EFHC1: variants seen among roughly 807,000 people sequenced by gnomAD.
EFHC1 encodes the protein EF-hand domain-containing protein 1.
A neutral mutation model predicts 69.9 loss-of-function variants in EFHC1; 53 were observed. The observed-to-expected ratio is 0.76, with a 90% confidence interval of 0.61 to 0.95. The LOEUF (loss-of-function observed/expected upper bound fraction) is 0.95. Among genes scored for constraint, EFHC1 ranks in the 40% least tolerant of loss-of-function variants. The pLI is 0.00. For missense variants in EFHC1, 739 were observed against 798.7 expected (o/e 0.93, Z 0.90); for synonymous variants, 256 against 278.4 (o/e 0.92, Z 0.80).
rs750166280 is a variant in EFHC1 at position 52,479,811 on chromosome 6, T to G, written c.1640+24T>G. 5 of 1,613,358 alleles carry G rather than the reference T, an allele frequency of 3.1e-6. No homozygotes were observed. The South Asian group carries it at 5.5e-5, about 18-fold the overall frequency. ...AGGTGTGTGTTTGATTGCTAGGGTT[T>G]GGCACACTCAAGATATTCAGGAAGT... On this transcript the variant is annotated intron_variant, in intron 9 of 10. Coordinates refer to ENST00000371068, the MANE Select transcript of EFHC1 (RefSeq NM_018100.4).
intron 3 of EFHC1, among the ~76,000 whole-genome samples, chr6:52,451,801 T>C (rs1265029606): frequency 6.6e-6 from 1 of 152,262 alleles, no homozygotes; most frequent in Non-Finnish European, 1.5e-5. Context: ...GGTTTGTCTT[T>C]CCTATTTTGC....
chr6:52,488,707 A>G (rs1299983068), intron 9 of EFHC1: 1 of 152,162 alleles, frequency 6.6e-6, no homozygotes, highest in African/African-American at 2.4e-5. Flanking sequence ...TTTTTTGAAT[A>G]TCTTTTCAGA....
rs1275817081 is a variant in EFHC1 at position 52,465,105 on chromosome 6, C to T, written c.1127C>T (p.Pro376Leu). ...RIDVSKREPP[P>L]VKQELPPYNG... is the part of the protein sequence containing the mutation. ...GATGTGAGCAAGCGGGAACCACCTCCAGTAAAACAGGTAATCAGATAGTAC... is the reference window on the plus strand; with the variant it reads ...GATGTGAGCAAGCGGGAACCACCTCTAGTAAAACAGGTAATCAGATAGTAC... The change falls in exon 6 of 11, where the codon CCA becomes CTA. Residue 376 changes from proline (P) to leucine (L), a missense_variant. Coordinates refer to ENST00000371068, the MANE Select transcript of EFHC1 (RefSeq NM_018100.4). 2 of 1,613,318 alleles carry T rather than the reference C, an allele frequency of 1.2e-6. No individual in the cohort carries two copies. Among genetic ancestry groups the T allele is most frequent in the Non-Finnish European group, 1.7e-6 (2 of 1,179,978 alleles).
chr6:52,491,329 GGGT>G (rs1048224522), intron 10 of EFHC1, among the ~76,000 whole-genome samples: 5 of 152,304 alleles, frequency 3.3e-5, no homozygotes, highest in African/African-American at 1.2e-4. Context: ...AGGGAAGTGG[GGGT>G]GGGACAGATT....
At chr6:52,426,164 CT>C (rs553327995) in intron 2 of EFHC1, among the ~76,000 whole-genome samples, 1 of 152,174 alleles carries the variant, frequency 6.6e-6, no homozygotes, top group Non-Finnish European at 1.5e-5. Flanking sequence ...AGCAAGATAA[CT>C]TTGTTTCTCA....
intron 7 of EFHC1, among the ~76,000 whole-genome samples, chr6:52,473,833 G>T (rs181046928): frequency 6.6e-5 from 10 of 152,112 alleles, no homozygotes; most frequent in Admixed American, 4.6e-4. Context: ...TTAAGATAAA[G>T]AATTTCTGTT....
rs534797617 is a variant in EFHC1 at position 52,479,212 on chromosome 6, A to C, written c.1454A>C (p.Tyr485Ser). ...TCTACAGTGGACAACCCTGTCTACTATGGCCCCAGTGACTTCTTCATTGGT... is the reference window on the plus strand; with the variant it reads ...TCTACAGTGGACAACCCTGTCTACTCTGGCCCCAGTGACTTCTTCATTGGT... ...PYSTVDNPVY[Y>S]GPSDFFIGAV... is the part of the protein sequence containing the mutation. The change falls in exon 8 of 11, where the codon TAT becomes TCT. Residue 485 changes from tyrosine (Y) to serine (S), a missense_variant. Coordinates refer to ENST00000371068, the MANE Select transcript of EFHC1 (RefSeq NM_018100.4). 4 of 1,614,000 alleles carry C rather than the reference A, an allele frequency of 2.5e-6. No individual in the cohort carries two copies. The highest frequency in any genetic ancestry group is 1.6e-4 in the Middle Eastern group (1 of 6,070).
rs1439607920 is a variant in EFHC1, at chr6:52,493,874, C to G, written c.*1533C>G. The G allele has an allele frequency of 1.1e-5, 5 of 453,982 alleles. No individual in the cohort carries two copies. Among genetic ancestry groups the G allele is most frequent in the Non-Finnish European group, 2.2e-5 (5 of 226,796 alleles). The allele number at this position is 453,982 out of a possible 1,614,324, so 28.1% of individuals were successfully genotyped here. A position where few individuals can be genotyped will look rare whatever the true frequency, so the allele number is the denominator to read the frequency against. On this transcript the variant is annotated 3_prime_UTR_variant, in exon 11 of 11. Coordinates refer to ENST00000371068, the MANE Select transcript of EFHC1 (RefSeq NM_018100.4). ...TGTGGTATGAATGAGGATAGAGTTA[C>G]ACAGAATTCAGACTGCTTTGCCCTC... is the stretch of plus-strand genomic sequence containing the variant.
At chr6:52,434,721 G>T (rs1764492783) in intron 2 of EFHC1, among the ~76,000 whole-genome samples, 1 of 152,016 alleles carries the variant, frequency 6.6e-6, no homozygotes, top group Non-Finnish European at 1.5e-5. Flanking sequence ...ATGATTCCAG[G>T]GAAACTTTCC....
chr6:52,462,428 A>C (rs996506710), intron 5 of EFHC1, among the ~76,000 whole-genome samples: 2 of 151,732 alleles, frequency 1.3e-5, no homozygotes, highest in Non-Finnish European at 3.0e-5. Context: ...AAAAGAAGGA[A>C]ATCATAAAAT....
intron 7 of EFHC1, among the ~76,000 whole-genome samples, chr6:52,475,008 G>GT (rs111411625): frequency 0.19 from 27,050 of 141,116 alleles, 2,938 homozygotes; most frequent in African/African-American, 0.32. Context: ...GTTGTTTTGG[G>GT]TTTTTTTTTT....
chr6:52,480,739 C>T (rs751913716), intron 9 of EFHC1, among the ~76,000 whole-genome samples: 4 of 151,978 alleles, frequency 2.6e-5, no homozygotes, highest in East Asian at 1.9e-4. Context: ...GAGGAAATAG[C>T]GCATGCAAAG....
chr6:52,479,799 A>T lies in EFHC1; in HGVS notation c.1640+12A>T. ...CCAGAAGCAGAAAGGTGTGTGTTTG[A>T]TTGCTAGGGTTTGGCACACTCAAGA... On this transcript the variant is annotated intron_variant, in intron 9 of 10. Coordinates refer to ENST00000371068, the MANE Select transcript of EFHC1 (RefSeq NM_018100.4). 3.1e-6 allele frequency: 5 copies of T among 1,613,776 alleles called. No homozygotes were observed. The highest frequency in any genetic ancestry group is 4.2e-6 in the Non-Finnish European group (5 of 1,179,994).
Position 52,496,670 on chromosome 6 carries a change from C to G in EFHC1, c.*4329C>G, listed in dbSNP as rs933348675. On this transcript the variant is annotated 3_prime_UTR_variant, in exon 11 of 11. Coordinates refer to ENST00000371068, the MANE Select transcript of EFHC1 (RefSeq NM_018100.4). ...CCATGACTCCCCACAAAACATGAAACCCTTTTGACACAGATGCACAAAAAG... is the reference window on the plus strand; with the variant it reads ...CCATGACTCCCCACAAAACATGAAAGCCTTTTGACACAGATGCACAAAAAG... The G allele has an allele frequency of 1.3e-5, 2 of 152,166 alleles. No individual in the cohort carries two copies. The highest frequency in any genetic ancestry group is 4.8e-5 in the African/African-American group (2 of 41,420). The allele number at this position is 152,166 out of a possible 1,614,324, so 9.4% of individuals were successfully genotyped here. A position where few individuals can be genotyped will look rare whatever the true frequency, so the allele number is the denominator to read the frequency against.
At chr6:52,439,321 G>A (rs537788915) in intron 3 of EFHC1, among the ~76,000 whole-genome samples, 4 of 152,234 alleles carry the variant, frequency 2.6e-5, no homozygotes, top group Admixed American at 2.6e-4. Flanking sequence ...AGGATACCTA[G>A]TGCCATATGT....
chr6:52,438,275 A>C (rs778063212), intron 2 of EFHC1, 29 bp from the exon 3 acceptor site: 1 of 1,603,012 alleles, frequency 6.2e-7, no homozygotes, highest in Non-Finnish European at 8.5e-7. Flanking sequence ...CTAATAGTAC[A>C]CCATTTCTCC....
intron 2 of EFHC1, among the ~76,000 whole-genome samples, chr6:52,428,901 G>C (rs957924001): frequency 1.3e-5 from 2 of 152,176 alleles, no homozygotes; most frequent in Admixed American, 1.3e-4. Flanking sequence ...GGACTAAGAT[G>C]ATATCACATT....
chr6:52,464,932 A>G lies in EFHC1; in HGVS notation c.954A>G (p.Gln318=), dbSNP rs773341807. ...AGTGTGTGCTAGAAATCTCTGACCA[A>G]GAAGTGTTGGAATGGTATACTGCTA... The part of the protein sequence containing the change: ...FPQCVLEISD[Q]EVLEWYTAKD... Residue 318 remains glutamine (Q), a synonymous_variant, in exon 6 of 11, where the codon CAA becomes CAG. Transcript: ENST00000371068. 1 of 1,614,132 alleles carries G rather than the reference A, an allele frequency of 6.2e-7. No individual in the cohort carries two copies. The highest frequency in any genetic ancestry group is 1.1e-5 in the South Asian group (1 of 91,086).
chr6:52,456,633 G>A (rs926972160), intron 5 of EFHC1, among the ~76,000 whole-genome samples: 2 of 152,200 alleles, frequency 1.3e-5, no homozygotes, highest in Non-Finnish European at 1.5e-5. Flanking sequence ...TAGGAAACAG[G>A]CTGGTCGCTG....
Sources: gnomAD v4.1 joint callset for allele counts (sites outside exome capture counted in the v4.1 genomes callset) on GRCh38, gnomAD v4.1.1 for gene constraint, MANE v1.5 for transcripts, NCBI Gene and HGNC (gene_info 2026-07-23, HGNC 2026-07-21) for gene names.